Variants in KIAA0825 observed in about 807,000 individuals in gnomAD.
KIAA0825 encodes the protein uncharacterized protein KIAA0825.
Under a neutral mutation model 147.6 loss-of-function variants are expected in KIAA0825, and 119 were observed. The observed-to-expected ratio is 0.81, with a 90% confidence interval of 0.69 to 0.94. The LOEUF is 0.94. KIAA0825 is among the 40% of genes least tolerant of loss of function. The pLI, the probability that KIAA0825 is intolerant of heterozygous loss-of-function variation, is 0.00. For synonymous variants in KIAA0825, 470 were observed against 518.1 expected (o/e 0.91, Z 1.26); for missense variants, 1,381 against 1,472.7 (o/e 0.94, Z 1.02).
intron 6 of KIAA0825, 41 bp downstream of exon 6, chr5:94,484,728 G>T (rs1444552925): frequency 3.0e-6 from 4 of 1,331,150 alleles, no homozygotes; most frequent in Admixed American, 2.8e-5. Context: ...AAAACACAGA[G>T]AAATTATAGA....
intron 20 of KIAA0825, among the ~76,000 whole-genome samples, chr5:94,337,002 C>A (rs1262652260): frequency 6.6e-6 from 1 of 152,092 alleles, no homozygotes; most frequent in Non-Finnish European, 1.5e-5. Flanking sequence ...TAACAAGAAA[C>A]TACTTAAACT....
intron 20 of KIAA0825, among the ~76,000 whole-genome samples, chr5:94,197,579 T>C (rs766086549): frequency 7.9e-5 from 12 of 152,316 alleles, no homozygotes; most frequent in Middle Eastern, 3.4e-3. Flanking sequence ...TTCCTAGATT[T>C]TCTTCTAGGG....
chr5:94,412,006 G>C (rs889019544), intron 15 of KIAA0825, among the ~76,000 whole-genome samples: 3 of 150,614 alleles, frequency 2.0e-5, no homozygotes, highest in Non-Finnish European at 4.4e-5. Context: ...TCCATCAAAA[G>C]ACCTTGTTAA....
intron 20 of KIAA0825, among the ~76,000 whole-genome samples, chr5:94,200,084 C>T (rs1013461014): frequency 3.9e-5 from 6 of 152,128 alleles, no homozygotes; most frequent in Non-Finnish European, 7.4e-5. Context: ...GTTGGGCACC[C>T]ACGGCCATGT....
chr5:94,182,949 G>T (rs1769798823), intron 20 of KIAA0825, among the ~76,000 whole-genome samples: 2 of 152,228 alleles, frequency 1.3e-5, no homozygotes, highest in African/African-American at 4.8e-5. Context: ...AGTAATTATG[G>T]TTTTTCTTGT....
chr5:94,268,440 G>C (rs151146327), intron 20 of KIAA0825, among the ~76,000 whole-genome samples: 2 of 151,998 alleles, frequency 1.3e-5, no homozygotes, highest in African/African-American at 4.8e-5. Context: ...TACTTCAAGG[G>C]GGCACTGGAT....
At chr5:94,327,402 G>T (rs1318311759) in intron 20 of KIAA0825, among the ~76,000 whole-genome samples, 2 of 150,800 alleles carry the variant, frequency 1.3e-5, no homozygotes, top group Non-Finnish European at 2.9e-5. Flanking sequence ...AGGCAATTCA[G>T]TATGAGGAAG....
In KIAA0825 at chr5:94,181,953, C is replaced by G. The variant is rs150489460; in HGVS notation, c.3711-27829G>C. On this transcript the variant is annotated intron_variant, in intron 20 of 20. Transcript: ENST00000682413. The stretch of plus-strand genomic sequence containing the variant: ...CAGCTGCAGGAAACTGCCTTTGTCC[C>G]TGCAGTCTAAACCCTGGTTGGATCT... Among the ~76,000 whole-genome samples the G allele has an allele frequency of 6.3e-4, 96 of 152,292 alleles. 1 individual carries two copies. The highest frequency in any genetic ancestry group is 2.3e-3 in the African/African-American group (94 of 41,566).
At chr5:94,280,686 G>A (rs1343887936) in intron 20 of KIAA0825, among the ~76,000 whole-genome samples, 1 of 152,014 alleles carries the variant, frequency 6.6e-6, no homozygotes, top group Non-Finnish European at 1.5e-5. Context: ...CACTGCTAGT[G>A]CCACTGTAAT....
intron 20 of KIAA0825, among the ~76,000 whole-genome samples, chr5:94,350,093 A>T (rs1368606566): frequency 6.6e-6 from 1 of 152,206 alleles, no homozygotes; most frequent in Non-Finnish European, 1.5e-5. Flanking sequence ...ACGAAACAGG[A>T]GATATTACAA....
chr5:94,347,003 A>T (rs1231571407), intron 20 of KIAA0825, among the ~76,000 whole-genome samples: 1 of 152,008 alleles, frequency 6.6e-6, no homozygotes, highest in African/African-American at 2.4e-5. Context: ...CCTTCAGTTT[A>T]TTTGGGAGCT....
intron 20 of KIAA0825, among the ~76,000 whole-genome samples, chr5:94,360,773 T>C (rs1744947916): frequency 6.6e-6 from 1 of 152,164 alleles, no homozygotes; most frequent in Non-Finnish European, 1.5e-5. Context: ...GAAATAACCA[T>C]GAAAATGGGG....
At chr5:94,431,667 A>G (rs1269598455) in intron 14 of KIAA0825, among the ~76,000 whole-genome samples, 1 of 152,222 alleles carries the variant, frequency 6.6e-6, no homozygotes, top group African/African-American at 2.4e-5. Flanking sequence ...GCATAAAAAA[A>G]TAAATAAAAA....
intron 17 of KIAA0825, among the ~76,000 whole-genome samples, chr5:94,394,834 A>G (rs1750416919): frequency 6.6e-6 from 1 of 152,142 alleles, no homozygotes; most frequent in Non-Finnish European, 1.5e-5. Context: ...GTTACTAAGC[A>G]TTTGCCTGAA....
At chr5:94,198,736 G>A (rs1338755353) in intron 20 of KIAA0825, among the ~76,000 whole-genome samples, 3 of 152,098 alleles carry the variant, frequency 2.0e-5, no homozygotes, top group Admixed American at 6.5e-5. Flanking sequence ...CAACCGGTAC[G>A]TTCTGCACAT....
At chr5:94,167,167 T>C (rs1288247210) in intron 20 of KIAA0825, among the ~76,000 whole-genome samples, 1 of 152,174 alleles carries the variant, frequency 6.6e-6, no homozygotes, top group Admixed American at 6.5e-5. Context: ...TGATACGTTC[T>C]CCGGATGATG....
chr5:94,419,622 A>G (rs778704217), intron 14 of KIAA0825, among the ~76,000 whole-genome samples: 5 of 152,214 alleles, frequency 3.3e-5, no homozygotes, highest in African/African-American at 4.8e-5. Flanking sequence ...GATTTAATCA[A>G]TAAGTTGATT....
At chr5:94,564,537 AGTGTGTGTGT>A (rs56256662) in intron 2 of KIAA0825, among the ~76,000 whole-genome samples, 657 of 32,918 alleles carry the variant, frequency 0.02, 69 homozygotes, top group Middle Eastern at 0.045. Context: ...CTTATTTTTG[AGTGTGTGTGT>A]GTGTGTGTGT....
chr5:94,381,566 G>T (rs1367599756), intron 20 of KIAA0825, among the ~76,000 whole-genome samples: 1 of 152,158 alleles, frequency 6.6e-6, no homozygotes, highest in Non-Finnish European at 1.5e-5. Context: ...TTATATCAGG[G>T]ACTTGGCATC....
Sources: allele counts gnomAD v4.1 joint callset (sites outside exome capture counted in the v4.1 genomes callset), GRCh38; gene constraint gnomAD v4.1.1; transcripts MANE v1.5; gene names NCBI Gene and HGNC (gene_info 2026-07-23, HGNC 2026-07-21).